SNX29: variants seen among roughly 807,000 people sequenced by gnomAD.
SNX29 encodes the protein sorting nexin-29.
Under a neutral mutation model 102.1 loss-of-function variants are expected in SNX29, and 78 were observed. The observed-to-expected ratio is 0.76, with a 90% CI of 0.64 to 0.92. The LOEUF (loss-of-function observed/expected upper bound fraction) is 0.92. SNX29 is among the 40% of genes least tolerant of loss of function. The pLI is 0.00. For synonymous variants in SNX29, 580 were observed against 414.5 expected, an observed-to-expected ratio of 1.40 and a Z score of -4.85; for missense variants, 1,280 against 1,061.7, an observed-to-expected ratio of 1.21 and a Z score of -2.86.
At chr16:12,402,129 C>T (rs1036803757) in intron 17 of SNX29, among the ~76,000 whole-genome samples, 1 of 152,206 alleles carries the variant, frequency 6.6e-6, no homozygotes, top group African/African-American at 2.4e-5. Context: ...TTTGATGGCT[C>T]AGAATTGCAA....
At chr16:12,463,236 G>T (rs1425736032) in intron 18 of SNX29, among the ~76,000 whole-genome samples, 1 of 152,220 alleles carries the variant, frequency 6.6e-6, no homozygotes, top group Non-Finnish European at 1.5e-5. Flanking sequence ...GGCCTGTGCC[G>T]TATATCCACA....
At chr16:12,363,419 G>C (rs1259516468) in intron 16 of SNX29, among the ~76,000 whole-genome samples, 1 of 152,198 alleles carries the variant, frequency 6.6e-6, no homozygotes, top group Non-Finnish European at 1.5e-5. Flanking sequence ...CCAGACACCA[G>C]GGTGTTCGAG....
At chr16:12,555,007 G>T (rs1012562618) in intron 20 of SNX29, among the ~76,000 whole-genome samples, 6 of 152,054 alleles carry the variant, frequency 3.9e-5, no homozygotes, top group African/African-American at 1.5e-4. Context: ...TTCTTGCAGA[G>T]GCAGGCAGGA....
chr16:12,421,742 T>C (rs1322575704), intron 18 of SNX29, among the ~76,000 whole-genome samples: 1 of 152,086 alleles, frequency 6.6e-6, no homozygotes, highest in Admixed American at 6.5e-5. Context: ...ATCAGAAGCA[T>C]CACCATCATT....
At chr16:12,358,595 AC>A (rs766124798) in intron 16 of SNX29, among the ~76,000 whole-genome samples, 1 of 152,088 alleles carries the variant, frequency 6.6e-6, no homozygotes, top group Non-Finnish European at 1.5e-5. Context: ...AAAGAAATTG[AC>A]CCCTATTGTC....
intron 20 of SNX29, among the ~76,000 whole-genome samples, chr16:12,533,092 C>T (rs1158430686): frequency 2.0e-5 from 3 of 152,216 alleles, no homozygotes. Flanking sequence ...CATCACACCT[C>T]CGGGGAGGGA....
intron 18 of SNX29, among the ~76,000 whole-genome samples, chr16:12,459,501 A>AGGAAGT (rs1433070940): frequency 6.6e-6 from 1 of 152,070 alleles, no homozygotes; most frequent in Non-Finnish European, 1.5e-5. Context: ...ACTGAAGAAG[A>AGGAAGT]GGAAGTGGAT....
At position 12,061,579 on chromosome 16, in the gene SNX29, G is replaced by A; in HGVS notation, c.1176G>A (p.Leu392=). The change falls in exon 9 of 21, where the codon CTG becomes CTA. Residue 392 remains leucine (L), a synonymous_variant. Coordinates refer to ENST00000566228, the MANE Select transcript of SNX29 (RefSeq NM_032167.5). ...CLSQMHSWAP[L]KVLHNDSDIL... ...CCCAGATGCACAGCTGGGCTCCGCT[G>A]AAGGTGCTGCACAATGACTCCGACA... is the stretch of plus-strand genomic sequence containing the variant. 6.2e-7 allele frequency: 1 copy of A among 1,611,658 alleles called. No homozygotes were observed. The highest frequency in any genetic ancestry group is 1.1e-5 in the South Asian group (1 of 90,222).
chr16:12,405,733 A>G (rs531040025), intron 18 of SNX29, among the ~76,000 whole-genome samples: 1 of 152,238 alleles, frequency 6.6e-6, no homozygotes, highest in Non-Finnish European at 1.5e-5. Context: ...TACTTATTTT[A>G]GAATTAAAAA....
intron 18 of SNX29, among the ~76,000 whole-genome samples, chr16:12,456,409 C>T (rs1227439592): frequency 6.6e-6 from 1 of 152,110 alleles, no homozygotes; most frequent in African/African-American, 2.4e-5. Flanking sequence ...AAGATAATTG[C>T]TCATTATACC....
chr16:12,314,645 ATCT>A (rs1449176524), intron 15 of SNX29, among the ~76,000 whole-genome samples: 6 of 152,280 alleles, frequency 3.9e-5, no homozygotes, highest in Non-Finnish European at 7.3e-5. Context: ...TTTCTTCAGC[ATCT>A]TCTTTCCTGT....
chr16:12,042,916 C>T lies in SNX29; in HGVS notation c.267C>T (p.Tyr89=), dbSNP rs745991397. 11 of 1,612,226 alleles carry T rather than the reference C, an allele frequency of 6.8e-6. No homozygotes were observed. Among genetic ancestry groups the T allele is most frequent in the South Asian group, 6.6e-5 (6 of 90,894 alleles). The part of the protein sequence containing the change: ...KTETEPVFWY[Y]VKEVLNKHEL... ...CCGTAGAGCCCGTGTTCTGGTACTA[C>T]GTGAAGGAGGTCCTCAACAAGCACG... The change falls in exon 5 of 21, where the codon TAC becomes TAT. Residue 89 remains tyrosine, a synonymous_variant. Coordinates refer to ENST00000566228, the MANE Select transcript of SNX29 (RefSeq NM_032167.5).
At position 12,163,261 on chromosome 16, in the gene SNX29, G is replaced by A. The variant is rs546875674; in HGVS notation, c.1595+33503G>A. Among the ~76,000 whole-genome samples, 10 of 152,340 alleles carry A rather than the reference G, an allele frequency of 6.6e-5. No homozygotes were observed. In the East Asian group the frequency reaches 1.7e-3, roughly 26 times the overall value. On this transcript the variant is annotated intron_variant, in intron 13 of 20. Transcript: ENST00000566228. ...ATTGGGTCACCCTGCTGAGAAAGGC[G>A]GGACTGGCCTCCCTGAGGAGGGAAC...
intron 20 of SNX29, among the ~76,000 whole-genome samples, chr16:12,559,665 A>AC (rs1015954403): frequency 6.6e-6 from 1 of 151,988 alleles, no homozygotes; most frequent in Non-Finnish European, 1.5e-5. Context: ...CTGCTTCTCT[A>AC]CCATGGGCCT....
At chr16:12,568,276 A>T (rs878988277) in intron 20 of SNX29, among the ~76,000 whole-genome samples, 2 of 146,586 alleles carry the variant, frequency 1.4e-5, no homozygotes, top group East Asian at 4.1e-4. Context: ...ACTCACAGCC[A>T]AGCTTGGTTG....
chr16:12,054,674 T>C (rs552532290), intron 8 of SNX29, among the ~76,000 whole-genome samples: 1 of 152,210 alleles, frequency 6.6e-6, no homozygotes, highest in Non-Finnish European at 1.5e-5. Flanking sequence ...CTTCAGCTTG[T>C]GGACTGCGGA....
intron 5 of SNX29, among the ~76,000 whole-genome samples, chr16:12,045,085 C>T (rs1257800817): frequency 6.6e-6 from 1 of 152,136 alleles, no homozygotes; most frequent in Non-Finnish European, 1.5e-5. Context: ...TTTAGATGCA[C>T]GAAAACAGGC....
chr16:12,029,753 G>A, intron 4 of SNX29: 1 of 357,956 alleles, frequency 2.8e-6, no homozygotes, highest in South Asian at 2.1e-5. Context: ...CACCATGTCT[G>A]GCTAATTTTT....
In SNX29 at chr16:12,502,336, G is replaced by A. The variant is rs753950351; in HGVS notation, c.2179-22366G>A. Among the ~76,000 whole-genome samples, 14 of 152,264 alleles carry A rather than the reference G, an allele frequency of 9.2e-5. No individual in the cohort carries two copies. The East Asian group carries it at 1.5e-3, about 17-fold the overall frequency. ...CCTCAGTGTCTTCAAGTTTCAAGAC[G>A]GTGGCATCTCCCTTACGAGGGCGCT... On this transcript the variant is annotated intron_variant, in intron 19 of 20. Coordinates refer to ENST00000566228, the MANE Select transcript of SNX29 (RefSeq NM_032167.5).
Sources: allele counts gnomAD v4.1 joint callset (sites outside exome capture counted in the v4.1 genomes callset), GRCh38; gene constraint gnomAD v4.1.1; transcripts MANE v1.5; gene names NCBI Gene and HGNC (gene_info 2026-07-23, HGNC 2026-07-21).